SHPRH: variants seen among roughly 807,000 people sequenced by gnomAD.
The protein encoded by SHPRH is SNF2 histone linker PHD RING helicase.
SHPRH carries 106 observed loss-of-function variants against 202.5 expected under a neutral mutation model. The ratio of observed to expected loss-of-function variants is 0.52; its 90% CI spans 0.45 to 0.62. SHPRH has a LOEUF of 0.62. Ranked by LOEUF, SHPRH falls within the 20% of genes least tolerant of loss-of-function variation. The pLI is 0.00. For missense variants in SHPRH, 1,710 were observed against 2,020.0 expected, an observed-to-expected ratio of 0.85 and a Z score of 2.94; for synonymous variants, 729 against 686.0, an observed-to-expected ratio of 1.06 and a Z score of -0.98.
intron 15 of SHPRH, among the ~76,000 whole-genome samples, chr6:145,926,703 A>G (rs554314226): frequency 1.3e-5 from 2 of 152,064 alleles, no homozygotes; most frequent in African/African-American, 4.8e-5. Context: ...CTTCTTATTT[A>G]GCTAGAGAGC....
intron 24 of SHPRH, 95 bp downstream of exon 24, chr6:145,913,383 T>C (rs1290654398): frequency 1.3e-5 from 14 of 1,116,034 alleles, no homozygotes; most frequent in Non-Finnish European, 1.8e-5. Context: ...TCATAGAAAC[T>C]AGTGGTGAGA....
intron 9 of SHPRH, among the ~76,000 whole-genome samples, chr6:145,942,523 T>C (rs892439362): frequency 6.6e-6 from 1 of 152,150 alleles, no homozygotes; most frequent in African/African-American, 2.4e-5. Context: ...GTGGATGAAA[T>C]ACAAAAACCT....
chr6:145,930,647 T>C (rs1051671761), intron 14 of SHPRH, among the ~76,000 whole-genome samples: 1 of 152,212 alleles, frequency 6.6e-6, no homozygotes, highest in African/African-American at 2.4e-5. Context: ...GAATATGCCC[T>C]ATCTTCATAT....
At chr6:145,899,402 C>A (rs1231778271) in intron 25 of SHPRH, among the ~76,000 whole-genome samples, 1 of 152,056 alleles carries the variant, frequency 6.6e-6, no homozygotes, top group African/African-American at 2.4e-5. Context: ...ACACAGTCAA[C>A]CAATCTTTAA....
At chr6:145,914,576 G>C (rs1206191295) in intron 23 of SHPRH, among the ~76,000 whole-genome samples, 1 of 152,150 alleles carries the variant, frequency 6.6e-6, no homozygotes, top group African/African-American at 2.4e-5. Context: ...ACGAAAAAAG[G>C]CAGCGGGCTG....
At chr6:145,944,299 G>A (rs963100596) in intron 8 of SHPRH, among the ~76,000 whole-genome samples, 1 of 152,050 alleles carries the variant, frequency 6.6e-6, no homozygotes, top group African/African-American at 2.4e-5. Context: ...CCAATTCTGT[G>A]CCAGTAGTTG....
chr6:145,926,211 T>G lies in SHPRH; in HGVS notation c.3287A>C (p.Glu1096Ala), dbSNP rs1457620533. 1.2e-6 allele frequency: 2 copies of G among 1,612,584 alleles called. No individual in the cohort carries two copies. The highest frequency in any genetic ancestry group is 2.7e-5 in the African/African-American group (2 of 74,824). Residue 1096 changes from glutamate to alanine, a missense_variant, in exon 16 of 30, where the codon GAG becomes GCG. By Grantham distance (107) the Glu-to-Ala change is moderately radical. Transcript: ENST00000275233. ...IPPTLRDGRL[E>A]EEAKQLREHY... ...AATGAAAAAAATAATTACCTCTTCC[T>G]CAAGTCGGCCATCACGCAAGGTAGG...
intron 18 of SHPRH, 136 bp from the exon 19 acceptor site, chr6:145,922,972 TGAGTGAG>T: frequency 1.9e-6 from 2 of 1,057,750 alleles, no homozygotes; most frequent in Non-Finnish European, 2.6e-6. Flanking sequence ...CAGCAACATT[TGAGTGAG>T]TTTTCCTTCA....
At chr6:145,890,196 G>T (rs1781460011) in intron 28 of SHPRH, among the ~76,000 whole-genome samples, 1 of 152,168 alleles carries the variant, frequency 6.6e-6, no homozygotes, top group Non-Finnish European at 1.5e-5. Flanking sequence ...GTTAAAGCTT[G>T]TACTGTGAAG....
At chr6:145,956,370 A>G in intron 1 of SHPRH, among the ~76,000 whole-genome samples, 1 of 152,186 alleles carries the variant, frequency 6.6e-6, no homozygotes, top group Non-Finnish European at 1.5e-5. Context: ...AAGGTATGCC[A>G]TAATTAAATT....
Position 145,886,898 on chromosome 6 carries a change from G to A in SHPRH, c.4956-111C>T. The A allele has an allele frequency of 3.5e-6, 4 of 1,132,952 alleles. No individual in the cohort carries two copies. In the South Asian group the frequency reaches 6.4e-5, roughly 18 times the overall value. 70.2% of individuals were successfully genotyped at this position (1,132,952 alleles called of 1,614,324 possible). A position where few individuals can be genotyped will look rare whatever the true frequency, so the allele number is the denominator to read the frequency against. ...ATTTTTTCTTAAGTTTTTGTAATTG[G>A]GATATAAGAAACTCCCAGAGGAAAG... On this transcript the variant is annotated intron_variant, in intron 29 of 29. Coordinates refer to ENST00000275233, the MANE Select transcript of SHPRH (RefSeq NM_001042683.3).
chr6:145,950,238 A>T, intron 4 of SHPRH, 26 bp downstream of exon 4: 2 of 1,600,934 alleles, frequency 1.2e-6, no homozygotes, highest in Non-Finnish European at 1.7e-6. Flanking sequence ...AATCAATTGG[A>T]CTTTCTTTAA....
intron 14 of SHPRH, 60 bp from the exon 15 acceptor site, chr6:145,927,337 TC>T: frequency 3.6e-6 from 5 of 1,390,580 alleles, no homozygotes; most frequent in Non-Finnish European, 5.0e-6. Flanking sequence ...CCCAATGTCA[TC>T]TAGTTGTCCA....
chr6:145,871,913 C>G (rs1780073686), intron 2 of SHPRH, among the ~76,000 whole-genome samples: 1 of 152,192 alleles, frequency 6.6e-6, no homozygotes, highest in Non-Finnish European at 1.5e-5. Flanking sequence ...ACTGTCTCAT[C>G]TTTGACAAAC....
At chr6:145,916,671 CAT>C (rs926922994) in intron 23 of SHPRH, among the ~76,000 whole-genome samples, 2 of 151,990 alleles carry the variant, frequency 1.3e-5, no homozygotes, top group African/African-American at 4.8e-5. Flanking sequence ...AATATTTTAA[CAT>C]ATAAACAATG....
At chr6:145,893,078 A>G (rs963020860) in intron 28 of SHPRH, 137 bp downstream of exon 28, 2 of 551,236 alleles carry the variant, frequency 3.6e-6, no homozygotes. Flanking sequence ...TATAAAATAA[A>G]TAATTAAAAA....
At chr6:145,864,247 G>T in exon 3 of SHPRH, 1 of 206,662 alleles carries the variant, frequency 4.8e-6, no homozygotes, top group Non-Finnish European at 1.1e-5. Flanking sequence ...ACCCTAATTT[G>T]GGTTTCTTAA....
intron 15 of SHPRH, among the ~76,000 whole-genome samples, 162 bp downstream of exon 15, chr6:145,927,027 G>GTGTA (rs1328599233): frequency 2.6e-5 from 4 of 151,898 alleles, no homozygotes; most frequent in African/African-American, 4.8e-5. Flanking sequence ...AAATGTTAGT[G>GTGTA]TACATACAAA....
At chr6:145,927,386 A>T in intron 14 of SHPRH, 109 bp from the exon 15 acceptor site, 3 of 1,034,174 alleles carry the variant, frequency 2.9e-6, no homozygotes, top group Non-Finnish European at 4.1e-6. Flanking sequence ...TGTAATGATT[A>T]TAACTTTTTT....
Sources: gnomAD v4.1 joint callset for allele counts (sites outside exome capture counted in the v4.1 genomes callset) on GRCh38, gnomAD v4.1.1 for gene constraint, MANE v1.5 for transcripts, NCBI Gene and HGNC (gene_info 2026-07-23, HGNC 2026-07-21) for gene names.